The following FHIT variants were observed in gnomAD, a reference collection of about 807,000 sequenced individuals.
The protein encoded by FHIT is fragile histidine triad diadenosine triphosphatase.
Under a neutral mutation model 17.9 loss-of-function variants are expected in FHIT, and 19 were observed. That is an observed-to-expected ratio of 1.06 (90% CI 0.74 to 1.56). The LOEUF is 1.56. Among genes scored for constraint, FHIT ranks in the 40% most tolerant of loss-of-function variants. FHIT has a pLI of 0.00. For synonymous variants in FHIT, 81 were observed against 69.7 expected (o/e 1.16, Z -0.81); for missense variants, 248 against 189.2 (o/e 1.31, Z -1.82).
chr3:59,790,873 G>A (rs1699526841), intron 8 of FHIT, among the ~76,000 whole-genome samples: 1 of 152,020 alleles, frequency 6.6e-6, no homozygotes, highest in South Asian at 2.1e-4. Flanking sequence ...TTTAATGAAT[G>A]AATGAATATT....
chr3:60,898,239 G>C (rs531013481), intron 3 of FHIT, among the ~76,000 whole-genome samples: 2 of 152,126 alleles, frequency 1.3e-5, no homozygotes, highest in Middle Eastern at 3.4e-3. Flanking sequence ...GTATTATACT[G>C]TATAAAGACA....
chr3:61,022,858 G>A (rs1052333094), intron 3 of FHIT, among the ~76,000 whole-genome samples: 1 of 152,140 alleles, frequency 6.6e-6, no homozygotes, highest in African/African-American at 2.4e-5. Flanking sequence ...AATAATAAGA[G>A]CTATTTATGA....
At chr3:60,536,707 C>A in intron 5 of FHIT, 153 bp downstream of exon 5, 1 of 700,982 alleles carries the variant, frequency 1.4e-6, no homozygotes, top group Non-Finnish European at 2.2e-6. Flanking sequence ...ATATGAGTAA[C>A]ATCTTACCTG....
intron 2 of FHIT, among the ~76,000 whole-genome samples, chr3:61,086,785 C>G (rs952298557): frequency 4.6e-5 from 7 of 152,072 alleles, no homozygotes; most frequent in African/African-American, 1.7e-4. Context: ...CATCCTATAA[C>G]TAAATAAAGT....
At chr3:60,519,096 C>G (rs988569832) in intron 5 of FHIT, among the ~76,000 whole-genome samples, 2 of 151,940 alleles carry the variant, frequency 1.3e-5, no homozygotes, top group Admixed American at 6.6e-5. Flanking sequence ...TTCTCTTTTT[C>G]AAGAGAAACA....
At chr3:60,702,772 T>G (rs2041279125) in intron 4 of FHIT, among the ~76,000 whole-genome samples, 1 of 152,176 alleles carries the variant, frequency 6.6e-6, no homozygotes, top group African/African-American at 2.4e-5. Flanking sequence ...TAATAGCAAA[T>G]ATTCCTGTGT....
intron 5 of FHIT, among the ~76,000 whole-genome samples, chr3:60,294,526 A>G (rs4426638): frequency 0.041 from 6,166 of 152,244 alleles, 423 homozygotes; most frequent in African/African-American, 0.14. Flanking sequence ...TTTACAAACA[A>G]TGAGTACAGC....
At chr3:60,095,721 A>G (rs532404304) in intron 5 of FHIT, among the ~76,000 whole-genome samples, 2 of 152,292 alleles carry the variant, frequency 1.3e-5, no homozygotes, top group African/African-American at 4.8e-5. Flanking sequence ...CATAAATCAG[A>G]TCTCTCACAG....
intron 4 of FHIT, among the ~76,000 whole-genome samples, chr3:60,736,823 GA>G (rs1284376840): frequency 4.6e-5 from 7 of 151,780 alleles, no homozygotes; most frequent in African/African-American, 1.5e-4. Context: ...ATATCTTATA[GA>G]AAAAAAATGG....
chr3:60,996,108 G>A lies in FHIT; in HGVS notation c.-111+45939C>T, dbSNP rs929799475. Among the ~76,000 whole-genome samples the A allele has an allele frequency of 7.2e-5, 11 of 152,306 alleles. No homozygotes were observed. The East Asian group carries it at 1.9e-3, about 27-fold the overall frequency. ...GGGCTTAGGAATGTAATCATTCCAA[G>A]CACCACTTCTCACTTGCTTATAAGC... On this transcript the variant is annotated intron_variant, in intron 3 of 9. Transcript: ENST00000492590.
Position 60,042,675 on chromosome 3 carries a change from C to T in FHIT, c.104-28523G>A, listed in dbSNP as rs748507498. ...TTAACCTGATTACCTCTGTAAAGGC[C>T]GTCTCCAGATACACTCACATTCAGA... On this transcript the variant is annotated intron_variant, in intron 5 of 9. Transcript: ENST00000492590. Among the ~76,000 whole-genome samples, 16 of 152,054 alleles carry T rather than the reference C, an allele frequency of 1.1e-4. No homozygotes were observed. The South Asian group carries it at 1.2e-3, about 12-fold the overall frequency.
chr3:60,204,483 G>C (rs1048301101), intron 5 of FHIT, among the ~76,000 whole-genome samples: 5 of 150,296 alleles, frequency 3.3e-5, no homozygotes, highest in African/African-American at 1.2e-4. Flanking sequence ...TAGAGATGGA[G>C]TTTCACCATG....
At chr3:60,724,597 C>A (rs1407297447) in intron 4 of FHIT, among the ~76,000 whole-genome samples, 1 of 150,626 alleles carries the variant, frequency 6.6e-6, no homozygotes, top group African/African-American at 2.4e-5. Flanking sequence ...GGCAGTGTAA[C>A]AGAGTTCTAA....
intron 5 of FHIT, among the ~76,000 whole-genome samples, chr3:60,201,993 T>C (rs1414368753): frequency 6.6e-6 from 1 of 152,176 alleles, no homozygotes; most frequent in Admixed American, 6.5e-5. Flanking sequence ...ATTGCCCACA[T>C]ATGTCTTCTT....
At chr3:60,824,426 A>G (rs1553740314) in intron 3 of FHIT, among the ~76,000 whole-genome samples, 1 of 152,214 alleles carries the variant, frequency 6.6e-6, no homozygotes, top group Non-Finnish European at 1.5e-5. Context: ...GACCAGCCAA[A>G]GATATTAGCA....
At chr3:61,154,048 A>T (rs917781666) in intron 2 of FHIT, among the ~76,000 whole-genome samples, 1 of 152,300 alleles carries the variant, frequency 6.6e-6, no homozygotes, top group Non-Finnish European at 1.5e-5. Context: ...AGAAATTTCA[A>T]CTGCTCTATT....
At chr3:59,819,099 G>C (rs912900562) in intron 8 of FHIT, among the ~76,000 whole-genome samples, 1 of 152,116 alleles carries the variant, frequency 6.6e-6, no homozygotes, top group African/African-American at 2.4e-5. Flanking sequence ...CTTTTTTCCT[G>C]TTGCATCTTA....
intron 4 of FHIT, among the ~76,000 whole-genome samples, chr3:60,613,693 CT>C (rs2038855087): frequency 6.6e-6 from 1 of 151,724 alleles, no homozygotes; most frequent in Admixed American, 6.6e-5. Flanking sequence ...CTACATTTCC[CT>C]TTTTCTCTCA....
intron 5 of FHIT, among the ~76,000 whole-genome samples, chr3:60,045,756 T>A (rs1701627931): frequency 6.6e-6 from 1 of 152,130 alleles, no homozygotes; most frequent in African/African-American, 2.4e-5. Context: ...AAAATTTGAA[T>A]GTGAGGATGA....
Sources: gnomAD v4.1 joint callset for allele counts (sites outside exome capture counted in the v4.1 genomes callset) on GRCh38, gnomAD v4.1.1 for gene constraint, MANE v1.5 for transcripts, NCBI Gene and HGNC (gene_info 2026-07-23, HGNC 2026-07-21) for gene names.